The following ERCC2 variants were observed in gnomAD, a reference collection of about 807,000 sequenced individuals.
ERCC2 encodes the protein ERCC excision repair 2, TFIIH core complex helicase subunit.
ERCC2 carries 90 observed loss-of-function variants against 99.4 expected under a neutral mutation model. That is an observed-to-expected ratio of 0.91 (90% confidence interval 0.76 to 1.08). The LOEUF is 1.08. ERCC2 is among the 50% of genes least tolerant of loss of function. The pLI is 0.00. For missense variants in ERCC2, 993 were observed against 1,038.1 expected (o/e 0.96, Z 0.60); for synonymous variants, 497 against 432.4 (o/e 1.15, Z -1.85).
chr19:45,352,122 A>AGGGTGGGGGGTGGG (rs3038768), intron 22 of ERCC2, 87 bp downstream of exon 22: 1 of 1,437,462 alleles, frequency 7.0e-7, no homozygotes, highest in East Asian at 2.4e-5. Flanking sequence ...AGGCAGGCTG[A>AGGGTGGGGGGTGGG]GGGTGGGGAG....
rs1227819103 is a variant in ERCC2, at chr19:45,350,462, CCTGGTGGCTTCTCT to C, written c.*1153_*1166del. 6.2e-7 allele frequency: 1 copy of C among 1,613,548 alleles called. No individual in the cohort carries two copies. The highest frequency in any genetic ancestry group is 8.5e-7 in the Non-Finnish European group (1 of 1,179,564). ...CCCCTAGCCCCTGTCTGTCTTCCCT[CCTGGTGGCTTCTCT>C]ATGTCCCCATCTCAGTGTCCCCCAT... is the stretch of plus-strand genomic sequence containing the variant. On this transcript the variant is annotated 3_prime_UTR_variant, in exon 23 of 23. Transcript: ENST00000391945.
At chr19:45,352,407 C>G (rs1181872935) in intron 21 of ERCC2, 55 bp from the exon 22 acceptor site, 4 of 1,613,738 alleles carry the variant, frequency 2.5e-6, no homozygotes, top group Non-Finnish European at 2.5e-6. Flanking sequence ...GCCTGGGCCA[C>G]TCTCCACCCT....
Position 45,350,743 on chromosome 19 carries a change from G to C in ERCC2, c.*886C>G, listed in dbSNP as rs368867089. 13 of 1,610,102 alleles carry C rather than the reference G, an allele frequency of 8.1e-6. No individual in the cohort carries two copies. In the Admixed American group the frequency reaches 1.2e-4, roughly 15 times the overall value. ...CCGAGGCGAGGCGGCGGCAGGAGCA[G>C]CCGGGTGAGTGTTGATCAGGTCGGC... On this transcript the variant is annotated 3_prime_UTR_variant, in exon 23 of 23. Transcript: ENST00000391945.
intron 11 of ERCC2, among the ~76,000 whole-genome samples, chr19:45,363,502 G>GA (rs780372639): frequency 6.6e-6 from 1 of 152,180 alleles, no homozygotes; most frequent in Non-Finnish European, 1.5e-5. Context: ...TTGGGTGGGG[G>GA]AGATTCTCCA....
In ERCC2 at chr19:45,369,072, T is replaced by C. The variant is rs1420151470; in HGVS notation, c.181A>G (p.Arg61Gly). The C allele has an allele frequency of 3.7e-6, 6 of 1,614,028 alleles. No individual in the cohort carries two copies. The highest frequency in any genetic ancestry group is 4.2e-6 in the Non-Finnish European group (5 of 1,180,010). Residue 61 changes from arginine (R) to glycine (G), a missense_variant and splice_region_variant, in exon 3 of 23, where the codon AGA (arginine) becomes GGA (glycine). By Grantham distance (125) the Arg-to-Gly change is moderately radical. Coordinates refer to ENST00000391945, the MANE Select transcript of ERCC2 (RefSeq NM_000400.4). ...TACGGGTTCAGCGCATCACTCACTC[T>C]CTGGTATGCCATGATCAGGGCCAAC... Reference protein sequence around the residue: ...SLLALIMAYQRAYPLEVTKLI... With the variant: ...SLLALIMAYQGAYPLEVTKLI...
At chr19:45,357,838 G>A in intron 12 of ERCC2, 139 bp from the exon 13 acceptor site, 1 of 780,754 alleles carries the variant, frequency 1.3e-6, no homozygotes, top group African/African-American at 1.7e-5. Context: ...GACCAAACAT[G>A]ACTGCTTAAG....
intron 15 of ERCC2, among the ~76,000 whole-genome samples, chr19:45,356,134 ACT>A (rs1457264974): frequency 6.6e-6 from 1 of 151,808 alleles, no homozygotes; most frequent in Non-Finnish European, 1.5e-5. Flanking sequence ...CAGCAGCTAC[ACT>A]CTAGCCAGCC....
intron 15 of ERCC2, among the ~76,000 whole-genome samples, chr19:45,356,490 T>TC (rs1480819701): frequency 6.6e-6 from 1 of 152,120 alleles, no homozygotes; most frequent in East Asian, 1.9e-4. Flanking sequence ...ATAGGCCTTG[T>TC]CTCTAAAGGC....
At chr19:45,363,351 CCT>C (rs1221713945) in intron 11 of ERCC2, among the ~76,000 whole-genome samples, 3 of 152,152 alleles carry the variant, frequency 2.0e-5, no homozygotes, top group Non-Finnish European at 4.4e-5. Context: ...AGCAGAAGCC[CCT>C]GTCCAGGCCC....
chr19:45,357,966 A>G, intron 12 of ERCC2: 2 of 554,692 alleles, frequency 3.6e-6, no homozygotes, highest in South Asian at 2.0e-5. Context: ...CCCACTGCTC[A>G]CTCTCCCAGC....
rs767143632 is a variant in ERCC2, at chr19:45,352,820, G to T, written c.1832-4C>A. ...ACGGCCCGCCCGTAGTGGTGCACTG[G>T]TGGGCAGAGGAGAGGGGGCGAGGGG... On this transcript the variant is annotated splice_region_variant and splice_polypyrimidine_tract_variant and intron_variant, in intron 19 of 22. Transcript: ENST00000391945. The T allele has an allele frequency of 6.2e-6, 10 of 1,613,680 alleles. No homozygotes were observed. In the South Asian group the frequency reaches 9.9e-5, roughly 16 times the overall value.
At position 45,352,683 on chromosome 19, in the gene ERCC2, G is replaced by C. The variant is rs747472303; in HGVS notation, c.1903-34C>G. ...ACGGAGGATGAGAAGCTGGGGAGGTGGGGGAGCCACTCCTCCCTTGATCCT... is the reference window on the plus strand; with the variant it reads ...ACGGAGGATGAGAAGCTGGGGAGGTCGGGGAGCCACTCCTCCCTTGATCCT... On this transcript the variant is annotated intron_variant, in intron 20 of 22. Coordinates refer to ENST00000391945, the MANE Select transcript of ERCC2 (RefSeq NM_000400.4). The C allele has an allele frequency of 5.6e-6, 9 of 1,613,826 alleles. 1 individual carries two copies. The highest frequency in any genetic ancestry group is 4.5e-5 in the East Asian group (2 of 44,890).
chr19:45,358,834 C>T (rs1178071414), intron 12 of ERCC2: 3 of 780,768 alleles, frequency 3.8e-6, no homozygotes, highest in Non-Finnish European at 7.2e-6. Flanking sequence ...ACTGGTTTTC[C>T]CATCTGGAAT....
Position 45,363,807 on chromosome 19 carries a change from C to G in ERCC2, c.1054G>C (p.Glu352Gln). ...WRLRVQHVVQ[E>Q]SPPAFLSGLA... Reference sequence around the variant, plus strand: ...CCGCTCAGGAAGGCGGGCGGGCTCTCCTGCACCACATGCTGCACACGCAGC... The same window carrying G: ...CCGCTCAGGAAGGCGGGCGGGCTCTGCTGCACCACATGCTGCACACGCAGC... Residue 352 changes from glutamate to glutamine, a missense_variant, in exon 11 of 23, where the codon GAG (glutamate) becomes CAG (glutamine). Around this residue, in one of 3 missense-constraint regions of ERCC2, gnomAD observed 909 missense variants for 930.8 expected, o/e 0.98. Coordinates refer to ENST00000391945, the MANE Select transcript of ERCC2 (RefSeq NM_000400.4). 8 of 1,540,826 alleles carry G rather than the reference C, an allele frequency of 5.2e-6. No individual in the cohort carries two copies. The highest frequency in any genetic ancestry group is 5.2e-6 in the Non-Finnish European group (6 of 1,149,614).
rs1022798043 is a variant in ERCC2, at chr19:45,349,837, T to G, written c.*1792A>C. On this transcript the variant is annotated 3_prime_UTR_variant, in exon 23 of 23. Transcript: ENST00000391945. ...TGAAGCGGAAGCTGGCAGGCACAGG[T>G]GGCAGCAGCAGACATTTATTGAGCT... 1.3e-5 allele frequency: 7 copies of G among 529,050 alleles called. No individual in the cohort carries two copies. The highest frequency in any genetic ancestry group is 1.7e-5 in the Non-Finnish European group (5 of 299,646). The allele number at this position is 529,050 out of a possible 1,614,324, so 32.8% of individuals were successfully genotyped here. A position where few individuals can be genotyped will look rare whatever the true frequency, so the allele number is the denominator to read the frequency against.
At chr19:45,354,873 G>A in intron 16 of ERCC2, 22 bp from the exon 17 acceptor site, 1 of 1,613,486 alleles carries the variant, frequency 6.2e-7, no homozygotes, top group Non-Finnish European at 8.5e-7. Flanking sequence ...CAGAGGTTGG[G>A]CCCTCTCCTG....
chr19:45,356,524 A>C (rs1416538637), intron 15 of ERCC2, among the ~76,000 whole-genome samples: 1 of 152,184 alleles, frequency 6.6e-6, no homozygotes, highest in Non-Finnish European at 1.5e-5. Context: ...ATTCCAAAAC[A>C]AATGGCTGCG....
chr19:45,361,777 C>G (rs542269745), intron 11 of ERCC2, 135 bp from the exon 12 acceptor site: 174 of 736,148 alleles, frequency 2.4e-4, no homozygotes, highest in African/African-American at 2.1e-3. Context: ...GGCACTGGGC[C>G]TGTTTTGGAA....
Position 45,350,866 on chromosome 19 carries a change from A to C in ERCC2, c.*763T>G. The C allele has an allele frequency of 1.3e-6, 2 of 1,496,332 alleles. No individual in the cohort carries two copies. Among genetic ancestry groups the C allele is most frequent in the Non-Finnish European group, 1.8e-6 (2 of 1,082,804 alleles). 92.7% of individuals were successfully genotyped at this position (1,496,332 alleles called of 1,614,324 possible). ...GGCTCCCATCTCCCCTGTGATACAC[A>C]CAGATCAAACCCTGTGCTGGAAAGG... On this transcript the variant is annotated 3_prime_UTR_variant, in exon 23 of 23. Coordinates refer to ENST00000391945, the MANE Select transcript of ERCC2 (RefSeq NM_000400.4).
Sources: allele counts gnomAD v4.1 joint callset (sites outside exome capture counted in the v4.1 genomes callset), GRCh38; gene constraint gnomAD v4.1.1; regional missense constraint gnomAD v4.1.1; transcripts MANE v1.5; gene names NCBI Gene and HGNC (gene_info 2026-07-23, HGNC 2026-07-21).